CMSS1: variants seen among roughly 807,000 people sequenced by gnomAD.
CMSS1 encodes the protein cms1 ribosomal small subunit homolog, also known as protein CMSS1.
In CMSS1, 33 loss-of-function variants were observed where a neutral mutation model predicts 43.5. The observed-to-expected ratio is 0.76, with a 90% CI of 0.57 to 1.01. The LOEUF (loss-of-function observed/expected upper bound fraction) is 1.01. Ranked by LOEUF, CMSS1 falls within the 50% of genes least tolerant of loss-of-function variation. The probability of loss-of-function intolerance (pLI) is 0.00; values close to 1 mark genes in which losing one functional copy is unlikely to be tolerated. For synonymous variants in CMSS1, 115 were observed against 117.2 expected, an observed-to-expected ratio of 0.98 and a Z score of 0.12; for missense variants, 313 against 326.4, an observed-to-expected ratio of 0.96 and a Z score of 0.32.
intron 1 of CMSS1, among the ~76,000 whole-genome samples, chr3:100,137,286 C>T (rs2066763654): frequency 6.6e-6 from 1 of 152,170 alleles, no homozygotes; most frequent in African/African-American, 2.4e-5. Context: ...AGCTGATGAC[C>T]TCTAGAAATA....
chr3:99,927,911 C>T (rs943582017), intron 1 of CMSS1, among the ~76,000 whole-genome samples: 1 of 152,036 alleles, frequency 6.6e-6, no homozygotes, highest in African/African-American at 2.4e-5. Flanking sequence ...GTGTTCCTGT[C>T]GTGTCATGTA....
In CMSS1 at chr3:99,957,693, C is replaced by CTTTTTTTTTTTTTTTTTTT. The variant is rs779350496; in HGVS notation, c.64+139660_64+139678dup. Among the ~76,000 whole-genome samples the CTTTTTTTTTTTTTTTTTTT allele has an allele frequency of 8.5e-3, 170 of 19,888 alleles. 39 individuals carry two copies. Among genetic ancestry groups the CTTTTTTTTTTTTTTTTTTT allele is most frequent in the Non-Finnish European group, 0.012 (106 of 8,942 alleles). The allele number at this position is 19,888 out of a possible 152,430, so 13.0% of individuals were successfully genotyped here. A position where few individuals can be genotyped will look rare whatever the true frequency, so the allele number is the denominator to read the frequency against. On this transcript the variant is annotated intron_variant, in intron 1 of 9. Transcript: ENST00000421999. ...TTCTCCTTTTCTCTTTTCTTTCTTT[C>CTTTTTTTTTTTTTTTTTTT]TTTTTTTTTTTTTTTTTTTTTTTTT...
chr3:100,130,403 A>G (rs746665472), intron 1 of CMSS1, among the ~76,000 whole-genome samples: 1 of 152,210 alleles, frequency 6.6e-6, no homozygotes, highest in African/African-American at 2.4e-5. Flanking sequence ...CAGCACAACA[A>G]ACTTTTTATC....
intron 1 of CMSS1, among the ~76,000 whole-genome samples, chr3:100,034,611 A>T (rs2065076433): frequency 6.6e-6 from 1 of 152,220 alleles, no homozygotes; most frequent in Non-Finnish European, 1.5e-5. Context: ...CTTATCAGTA[A>T]AACTAAGCAG....
At chr3:99,971,619 A>G (rs1012784306) in intron 1 of CMSS1, among the ~76,000 whole-genome samples, 3 of 152,148 alleles carry the variant, frequency 2.0e-5, no homozygotes, top group Non-Finnish European at 4.4e-5. Context: ...CCCTGATCTA[A>G]GTTGGTACCA....
chr3:100,104,545 C>T (rs189363955), intron 1 of CMSS1, among the ~76,000 whole-genome samples: 1 of 152,086 alleles, frequency 6.6e-6, no homozygotes, highest in South Asian at 2.1e-4. Flanking sequence ...GCCTGTGTTC[C>T]CAAGACCCAG....
chr3:100,097,354 G>C (rs1267110972), intron 1 of CMSS1, among the ~76,000 whole-genome samples: 1 of 152,150 alleles, frequency 6.6e-6, no homozygotes, highest in Non-Finnish European at 1.5e-5. Flanking sequence ...TTTTTTAAAG[G>C]CTACAGGAGG....
chr3:100,105,327 G>C (rs2066376184), intron 1 of CMSS1, among the ~76,000 whole-genome samples: 1 of 152,144 alleles, frequency 6.6e-6, no homozygotes, highest in African/African-American at 2.4e-5. Context: ...AAAGACATGA[G>C]CAATAGGAAT....
At chr3:99,949,417 AGTCAGTT>A (rs1226506025) in intron 1 of CMSS1, among the ~76,000 whole-genome samples, 1 of 152,244 alleles carries the variant, frequency 6.6e-6, no homozygotes, top group Non-Finnish European at 1.5e-5. Flanking sequence ...CTGTCTAAAA[AGTCAGTT>A]GTATAGTAGT....
At chr3:100,016,133 T>G (rs1409765923) in intron 1 of CMSS1, among the ~76,000 whole-genome samples, 3 of 152,196 alleles carry the variant, frequency 2.0e-5, no homozygotes, top group African/African-American at 7.2e-5. Context: ...AGAGGTCTCT[T>G]TATCACTCTC....
intron 1 of CMSS1, among the ~76,000 whole-genome samples, chr3:100,010,493 T>G (rs1710112856): frequency 1.3e-5 from 2 of 152,134 alleles, no homozygotes; most frequent in African/African-American, 4.8e-5. Context: ...CATGCTTACT[T>G]CAGAGAATCC....
chr3:100,039,826 T>G (rs1355776723), intron 1 of CMSS1: 1 of 151,654 alleles, frequency 6.6e-6, no homozygotes, highest in African/African-American at 2.4e-5. Context: ...TGATCTCGGC[T>G]CACTGCAACC....
chr3:99,877,646 T>C (rs1705579720), intron 1 of CMSS1, among the ~76,000 whole-genome samples: 1 of 152,242 alleles, frequency 6.6e-6, no homozygotes, highest in South Asian at 2.1e-4. Context: ...ATGTTGAGTT[T>C]GTAGTTTTGT....
At chr3:99,942,363 T>C (rs1362213635) in intron 1 of CMSS1, among the ~76,000 whole-genome samples, 1 of 151,994 alleles carries the variant, frequency 6.6e-6, no homozygotes, top group African/African-American at 2.4e-5. Context: ...CAGAAAAAAA[T>C]AATGGCAGGG....
In CMSS1 at chr3:99,938,599, T is replaced by G. The variant is rs567115927; in HGVS notation, c.64+120556T>G. ...TCCCCCTATCTTTACACAGAACCTT[T>G]AAGCTAAGATTTAGTTCCCTGAAAG... On this transcript the variant is annotated intron_variant, in intron 1 of 9. Coordinates refer to ENST00000421999, the MANE Select transcript of CMSS1 (RefSeq NM_032359.4). Among the ~76,000 whole-genome samples, 228 of 152,350 alleles carry G rather than the reference T, an allele frequency of 1.5e-3. 1 individual carries two copies. Among genetic ancestry groups the G allele is most frequent in the Non-Finnish European group, 2.2e-3 (148 of 68,030 alleles).
chr3:99,853,321 G>A (rs958771459), intron 1 of CMSS1, among the ~76,000 whole-genome samples: 8 of 152,202 alleles, frequency 5.3e-5, no homozygotes, highest in Admixed American at 3.3e-4. Flanking sequence ...CTACACCACA[G>A]TTCTTACAGT....
At position 100,167,768 on chromosome 3, in the gene CMSS1, A is replaced by G. The variant is rs1460172419; in HGVS notation, c.446A>G (p.Asn149Ser). ...CCTAAGTGGGTAAAACTTAGGAAGA[A>G]CCACAGTGAGAAGAAATCGGTCCTG... ...ICPKWVKLRK[N>S]HSEKKSVLML... The change falls in exon 6 of 10, where the codon AAC (asparagine) becomes AGC (serine). Residue 149 changes from asparagine (N) to serine (S), a missense_variant. Coordinates refer to ENST00000421999, the MANE Select transcript of CMSS1 (RefSeq NM_032359.4). The G allele has an allele frequency of 1.9e-6, 3 of 1,613,208 alleles. No individual in the cohort carries two copies. The highest frequency in any genetic ancestry group is 2.5e-6 in the Non-Finnish European group (3 of 1,179,740).
At chr3:100,133,654 T>C (rs1056022002) in intron 1 of CMSS1, among the ~76,000 whole-genome samples, 3 of 152,228 alleles carry the variant, frequency 2.0e-5, no homozygotes, top group South Asian at 2.1e-4. Context: ...CTCAGCGTTA[T>C]CTCACCCCCA....
At chr3:100,015,949 C>G (rs1710326335) in intron 1 of CMSS1, among the ~76,000 whole-genome samples, 1 of 152,140 alleles carries the variant, frequency 6.6e-6, no homozygotes, top group African/African-American at 2.4e-5. Context: ...ATCAAATTCA[C>G]AAAAAGACAG....
Sources: allele counts gnomAD v4.1 joint callset (sites outside exome capture counted in the v4.1 genomes callset), GRCh38; gene constraint gnomAD v4.1.1; transcripts MANE v1.5; gene names NCBI Gene and HGNC (gene_info 2026-07-23, HGNC 2026-07-21).